SPATA6L: variants seen among roughly 807,000 people sequenced by gnomAD.
SPATA6L encodes the protein spermatogenesis associated 6-like protein.
SPATA6L carries 68 observed loss-of-function variants against 49.2 expected under a neutral mutation model. The observed-to-expected ratio is 1.38, with a 90% CI of 1.14 to 1.69. The LOEUF (loss-of-function observed/expected upper bound fraction) is 1.69. SPATA6L is among the 40% of genes most tolerant of loss of function. The pLI is 0.00. For synonymous variants in SPATA6L, 198 were observed against 165.7 expected (o/e 1.19, Z -1.50); for missense variants, 668 against 464.3 (o/e 1.44, Z -4.03).
intron 9 of SPATA6L, among the ~76,000 whole-genome samples, chr9:4,609,324 C>G (rs897721306): frequency 5.3e-5 from 8 of 151,904 alleles, no homozygotes; most frequent in African/African-American, 1.9e-4. Flanking sequence ...GATACCAAAG[C>G]CTGGCAGAGA....
intron 3 of SPATA6L, among the ~76,000 whole-genome samples, chr9:4,649,184 G>A (rs1246013235): frequency 6.6e-6 from 1 of 152,136 alleles, no homozygotes; most frequent in Non-Finnish European, 1.5e-5. Flanking sequence ...GCATAAACAT[G>A]CGTGTGTAAG....
chr9:4,612,146 C>G (rs541880767), intron 9 of SPATA6L, among the ~76,000 whole-genome samples: 5 of 152,060 alleles, frequency 3.3e-5, no homozygotes, highest in African/African-American at 1.2e-4. Flanking sequence ...AGCTCACTTT[C>G]AAATATTTTG....
At chr9:4,663,345 C>T in intron 1 of SPATA6L, 1 of 1,415,032 alleles carries the variant, frequency 7.1e-7, no homozygotes, top group Non-Finnish European at 9.8e-7. Context: ...AGCCATCCCG[C>T]TTGTCCCTCT....
intron 9 of SPATA6L, among the ~76,000 whole-genome samples, chr9:4,613,533 C>A (rs561873121): frequency 6.6e-5 from 10 of 152,256 alleles, no homozygotes; most frequent in African/African-American, 1.9e-4. Flanking sequence ...GGAAGCACCA[C>A]CTAAAGCACT....
downstream of SPATA6L, among the ~76,000 whole-genome samples, chr9:4,597,385 G>C (rs930136652): frequency 2.6e-5 from 4 of 151,134 alleles, no homozygotes; most frequent in East Asian, 7.7e-4. Context: ...GGCGTGGGGG[G>C]TGAGGTGGGC....
In SPATA6L at chr9:4,606,223, G is replaced by C. The variant is rs1020027709; in HGVS notation, c.996-783C>G. Among the ~76,000 whole-genome samples the C allele has an allele frequency of 3.4e-5, 5 of 148,722 alleles. No individual in the cohort carries two copies. In the South Asian group the frequency reaches 6.4e-4, roughly 19 times the overall value. ...GCAAGGCGGCAGCGAGGCTGGGGGA[G>C]GGGCGCCCGCCATTGCCCAGGCTTG... On this transcript the variant is annotated intron_variant, in intron 9 of 11. Transcript: ENST00000682582.
intron 10 of SPATA6L, 89 bp from the exon 11 acceptor site, chr9:4,604,358 T>A: frequency 2.5e-6 from 2 of 788,736 alleles, no homozygotes; most frequent in South Asian, 1.6e-5. Context: ...ATGTAGGAGG[T>A]CTGTGCATCC....
At chr9:4,602,012 T>C (rs1421418326) in intron 11 of SPATA6L, among the ~76,000 whole-genome samples, 3 of 152,170 alleles carry the variant, frequency 2.0e-5, no homozygotes, top group Non-Finnish European at 4.4e-5. Context: ...CAGGAATCCA[T>C]GACTCAAGAA....
At chr9:4,647,944 C>G (rs1835800749) in intron 3 of SPATA6L, among the ~76,000 whole-genome samples, 1 of 151,856 alleles carries the variant, frequency 6.6e-6, no homozygotes, top group African/African-American at 2.4e-5. Flanking sequence ...AAGCGATTCT[C>G]CTGCCTCAGC....
intron 9 of SPATA6L, among the ~76,000 whole-genome samples, chr9:4,609,824 G>A (rs918976252): frequency 1.3e-4 from 20 of 150,828 alleles, no homozygotes; most frequent in Non-Finnish European, 2.6e-4. Flanking sequence ...GGAAATAAAG[G>A]GTATTCAATT....
chr9:4,624,669 A>C (rs1459640733), intron 6 of SPATA6L, among the ~76,000 whole-genome samples: 1 of 151,248 alleles, frequency 6.6e-6, no homozygotes, highest in Admixed American at 6.6e-5. Flanking sequence ...CAGAGGTTGC[A>C]GTAAGCCGAG....
chr9:4,656,044 C>T lies in SPATA6L; in HGVS notation c.223G>A (p.Glu75Lys), dbSNP rs1420860336. The change falls in exon 3 of 12, where the codon GAA becomes AAA. Residue 75 changes from glutamate to lysine, a missense_variant. By Grantham distance (56) the Glu-to-Lys change is moderately conservative (BLOSUM62 1). Coordinates refer to ENST00000682582, the MANE Select transcript of SPATA6L (RefSeq NM_001353486.2). ...TTTTGTTTTTCAGAGTACCTACTTT[C>T]CAAAAGGTCTACTACAGCTCCAGGA... is the stretch of plus-strand genomic sequence containing the variant. The part of the protein sequence containing the change: ...VDPGAVVDLL[E>K]MWDELAYYEE... The T allele has an allele frequency of 6.2e-7, 1 of 1,611,612 alleles. No homozygotes were observed. The highest frequency in any genetic ancestry group is 2.2e-5 in the East Asian group (1 of 44,874).
At chr9:4,595,281 G>C (rs1248338501), downstream of SPATA6L, among the ~76,000 whole-genome samples, 1 of 152,092 alleles carries the variant, frequency 6.6e-6, no homozygotes, top group African/African-American at 2.4e-5. Flanking sequence ...AAAATAAGTT[G>C]TCTCATGATG....
At chr9:4,661,362 C>A (rs187865674) in intron 2 of SPATA6L, among the ~76,000 whole-genome samples, 2 of 152,138 alleles carry the variant, frequency 1.3e-5, no homozygotes, top group Admixed American at 6.5e-5. Flanking sequence ...AATGTTTTGA[C>A]TATTTATATC....
intron 3 of SPATA6L, among the ~76,000 whole-genome samples, chr9:4,636,682 A>G (rs557284833): frequency 3.3e-5 from 5 of 152,370 alleles, no homozygotes; most frequent in Admixed American, 1.3e-4. Flanking sequence ...GTAGAACATA[A>G]TTGACCTTAC....
intron 2 of SPATA6L, among the ~76,000 whole-genome samples, chr9:4,657,264 T>G (rs1223608419): frequency 6.6e-6 from 1 of 152,210 alleles, no homozygotes; most frequent in Non-Finnish European, 1.5e-5. Context: ...GACTTGGATT[T>G]ATCAAGCAAA....
rs538376742 is a variant in SPATA6L at position 4,618,069 on chromosome 9, G to A, written c.849C>T (p.Asp283=). ...EPDERIVLRS[D]SSSCLDSSQF... Reference sequence around the variant, plus strand: ...GACTTGAATCTAAACATGATGATGAGTCACTCCTTAAAACAATCCGTTCAT... The same window carrying A: ...GACTTGAATCTAAACATGATGATGAATCACTCCTTAAAACAATCCGTTCAT... Residue 283 remains aspartate (D), a synonymous_variant, in exon 9 of 12, where the codon GAC becomes GAT. Coordinates refer to ENST00000682582, the MANE Select transcript of SPATA6L (RefSeq NM_001353486.2). The A allele has an allele frequency of 6.2e-6, 10 of 1,613,640 alleles. No homozygotes were observed. In the South Asian group the frequency reaches 1.1e-4, roughly 18 times the overall value.
At chr9:4,607,956 C>T (rs977686186) in intron 9 of SPATA6L, among the ~76,000 whole-genome samples, 1 of 151,696 alleles carries the variant, frequency 6.6e-6, no homozygotes, top group African/African-American at 2.4e-5. Flanking sequence ...GAAGATCTAT[C>T]AAGCAAATGG....
chr9:4,651,632 G>A (rs568897193), intron 3 of SPATA6L, among the ~76,000 whole-genome samples: 2 of 151,958 alleles, frequency 1.3e-5, no homozygotes, highest in African/African-American at 2.4e-5. Context: ...CATATAGAAA[G>A]GCTTATATAC....
Sources: gnomAD v4.1 joint callset for allele counts (sites outside exome capture counted in the v4.1 genomes callset) on GRCh38, gnomAD v4.1.1 for gene constraint, MANE v1.5 for transcripts, NCBI Gene and HGNC (gene_info 2026-07-23, HGNC 2026-07-21) for gene names.